The following TRIM2 variants were observed in gnomAD, a reference collection of about 807,000 sequenced individuals.
TRIM2 encodes the protein tripartite motif containing 2, also known as tripartite motif-containing protein 2.
TRIM2 carries 20 observed loss-of-function variants against 75.2 expected under a neutral mutation model. That is an observed-to-expected ratio of 0.27 (90% CI 0.19 to 0.39). The LOEUF (loss-of-function observed/expected upper bound fraction) is 0.39. TRIM2 is among the 10% of genes least tolerant of loss of function. The probability of loss-of-function intolerance (pLI) is 1.00; values close to 1 mark genes in which losing one functional copy is unlikely to be tolerated. For synonymous variants in TRIM2, 373 were observed against 388.3 expected, an observed-to-expected ratio of 0.96 and a Z score of 0.46; for missense variants, 660 against 990.8, an observed-to-expected ratio of 0.67 and a Z score of 4.48.
upstream of TRIM2, among the ~76,000 whole-genome samples, chr4:153,203,394 TACAC>T (rs35049904): frequency 0.063 from 8,936 of 141,224 alleles, 632 homozygotes; most frequent in African/African-American, 0.18. Flanking sequence ...CCCACATCTC[TACAC>T]ACACACACAC....
At chr4:153,243,123 C>T (rs750423133) in intron 1 of TRIM2, among the ~76,000 whole-genome samples, 29 of 152,316 alleles carry the variant, frequency 1.9e-4, no homozygotes, top group Non-Finnish European at 2.8e-4. Context: ...TGCCTTCCTG[C>T]TTCATTACTG....
intron 8 of TRIM2, among the ~76,000 whole-genome samples, chr4:153,318,563 G>A (rs1053043713): frequency 2.0e-5 from 3 of 152,096 alleles, no homozygotes; most frequent in African/African-American, 7.2e-5. Flanking sequence ...AATTGTATAT[G>A]TGGTAAGACA....
chr4:153,299,707 A>G (rs1763465947), intron 6 of TRIM2, among the ~76,000 whole-genome samples: 1 of 151,836 alleles, frequency 6.6e-6, no homozygotes, highest in Non-Finnish European at 1.5e-5. Context: ...CTCTGTCCTG[A>G]CTCATCCCTA....
At chr4:153,268,237 C>A (rs4696183) in intron 1 of TRIM2, among the ~76,000 whole-genome samples, 79,393 of 151,692 alleles carry the variant, frequency 0.52, 21,763 homozygotes, top group African/African-American at 0.69. Context: ...TAGGGAGGTT[C>A]AGACTCTTGC....
intron 1 of TRIM2, among the ~76,000 whole-genome samples, chr4:153,261,765 G>T (rs1753645968): frequency 6.6e-6 from 1 of 152,212 alleles, no homozygotes; most frequent in Admixed American, 6.5e-5. Flanking sequence ...AATAAAGAGT[G>T]TGGATAGTTT....
At chr4:153,237,281 G>A (rs1303894604) in intron 1 of TRIM2, among the ~76,000 whole-genome samples, 1 of 152,116 alleles carries the variant, frequency 6.6e-6, no homozygotes, top group African/African-American at 2.4e-5. Flanking sequence ...CCACATTGTT[G>A]TAGGCATTTT....
chr4:153,257,130 C>T (rs1438213590), intron 1 of TRIM2, among the ~76,000 whole-genome samples: 1 of 152,170 alleles, frequency 6.6e-6, no homozygotes, highest in Non-Finnish European at 1.5e-5. Context: ...GTTTGCGTCC[C>T]AGCACTCCCT....
chr4:153,276,498 A>G (rs1758060229), intron 3 of TRIM2, among the ~76,000 whole-genome samples: 1 of 152,110 alleles, frequency 6.6e-6, no homozygotes, highest in African/African-American at 2.4e-5. Flanking sequence ...AGAGTTCTTT[A>G]TTTTTCTTGG....
Position 153,257,679 on chromosome 4 carries a change from CT to C in TRIM2, c.31-12652del, listed in dbSNP as rs1752406679. 3.8e-6 allele frequency: 4 copies of C among 1,059,282 alleles called. No homozygotes were observed. The South Asian group carries it at 5.2e-5, about 14-fold the overall frequency. 65.6% of individuals were successfully genotyped at this position (1,059,282 alleles called of 1,614,324 possible). A position where few individuals can be genotyped will look rare whatever the true frequency, so the allele number is the denominator to read the frequency against. ...AGTGTTAGCAGAAACGTGCGTTGTT[CT>C]TTTGGATTGCCGCGTAGCTGCAGCG... On this transcript the variant is annotated intron_variant, in intron 1 of 11. Coordinates refer to ENST00000338700, the MANE Select transcript of TRIM2 (RefSeq NM_015271.5).
intron 3 of TRIM2, among the ~76,000 whole-genome samples, chr4:153,285,814 C>G (rs542016819): frequency 3.9e-5 from 6 of 152,086 alleles, no homozygotes; most frequent in African/African-American, 1.4e-4. Flanking sequence ...AAGATCATGT[C>G]ATCTCTGTAT....
intron 6 of TRIM2, among the ~76,000 whole-genome samples, chr4:153,300,026 T>A (rs1763539012): frequency 6.6e-6 from 1 of 152,230 alleles, no homozygotes; most frequent in Admixed American, 6.5e-5. Context: ...AAAATTGCCT[T>A]GCTGAGAAAA....
intron 2 of TRIM2, among the ~76,000 whole-genome samples, chr4:153,272,249 C>T (rs918972066): frequency 3.2e-4 from 48 of 151,812 alleles, no homozygotes; most frequent in African/African-American, 1.1e-3. Context: ...CCCGGATTCA[C>T]GCCATTCTCC....
At chr4:153,265,713 A>G (rs1754841243) in intron 1 of TRIM2, 2 of 152,126 alleles carry the variant, frequency 1.3e-5, no homozygotes, top group African/African-American at 4.8e-5. Flanking sequence ...CAGGGGCAAT[A>G]TTTTCTGTAT....
intron 1 of TRIM2, among the ~76,000 whole-genome samples, chr4:153,197,114 T>C (rs572865971): frequency 2.6e-5 from 4 of 152,340 alleles, no homozygotes; most frequent in African/African-American, 7.2e-5. Context: ...TGACTACATA[T>C]GAAACTGACT....
At chr4:153,265,319 G>T (rs949636161) in intron 1 of TRIM2, among the ~76,000 whole-genome samples, 8 of 148,716 alleles carry the variant, frequency 5.4e-5, no homozygotes, top group East Asian at 2.0e-4. Flanking sequence ...GTTTTTTTTT[G>T]TTTTGTTTTG....
intron 1 of TRIM2, chr4:153,257,337 C>A: frequency 2.1e-6 from 2 of 963,178 alleles, no homozygotes; most frequent in Non-Finnish European, 2.6e-6. Context: ...CAGCTCGCTG[C>A]TGCATCCCTA....
chr4:153,183,233 C>T (rs933277066), intron 1 of TRIM2, among the ~76,000 whole-genome samples: 1 of 152,152 alleles, frequency 6.6e-6, no homozygotes, highest in Non-Finnish European at 1.5e-5. Flanking sequence ...CAGCACTGGG[C>T]AGTGATGCAT....
upstream of TRIM2, among the ~76,000 whole-genome samples, chr4:153,202,623 C>A (rs995477787): frequency 2.1e-4 from 31 of 149,564 alleles, no homozygotes; most frequent in Non-Finnish European, 4.4e-5. Context: ...GGCCTGAACC[C>A]GAGAGGCGGA....
intron 8 of TRIM2, among the ~76,000 whole-genome samples, chr4:153,316,873 CTTTTTTTTTTT>C (rs11397245): frequency 1.8e-4 from 11 of 61,578 alleles, no homozygotes; most frequent in East Asian, 1.0e-3. Flanking sequence ...TGCATTATGC[CTTTTTTTTTTT>C]TTTTTTTTTT....
Sources: gnomAD v4.1 joint callset for allele counts (sites outside exome capture counted in the v4.1 genomes callset) on GRCh38, gnomAD v4.1.1 for gene constraint, MANE v1.5 for transcripts, NCBI Gene and HGNC (gene_info 2026-07-23, HGNC 2026-07-21) for gene names.